DGKB: variants seen among roughly 807,000 people sequenced by gnomAD.
The protein encoded by DGKB is diacylglycerol kinase beta.
Under a neutral mutation model 114.3 loss-of-function variants are expected in DGKB, and 67 were observed. That is an observed-to-expected ratio of 0.59 (90% CI 0.48 to 0.72). DGKB has a LOEUF of 0.72. DGKB is among the 30% of genes least tolerant of loss of function. DGKB has a pLI of 0.00. For synonymous variants in DGKB, 398 were observed against 323.1 expected (o/e 1.23, Z -2.49); for missense variants, 907 against 975.2 (o/e 0.93, Z 0.93).
intron 20 of DGKB, among the ~76,000 whole-genome samples, chr7:14,565,246 A>G (rs1797222923): frequency 6.6e-6 from 1 of 152,104 alleles, no homozygotes; most frequent in East Asian, 1.9e-4. Context: ...TGGGAGTCAT[A>G]TGGCCCATTA....
At chr7:14,653,152 T>C (rs924740657) in intron 13 of DGKB, among the ~76,000 whole-genome samples, 78 of 149,750 alleles carry the variant, frequency 5.2e-4, no homozygotes, top group Admixed American at 3.8e-3. Context: ...ATCCCATTAC[T>C]GGGTATATAC....
At chr7:14,479,171 T>A (rs959812317) in intron 20 of DGKB, among the ~76,000 whole-genome samples, 51 of 152,138 alleles carry the variant, frequency 3.4e-4, no homozygotes, top group African/African-American at 1.1e-3. Context: ...GTTAATTTTG[T>A]TTCAAAGTGG....
intron 5 of DGKB, among the ~76,000 whole-genome samples, chr7:14,734,963 G>A (rs1435023477): frequency 6.6e-6 from 1 of 152,114 alleles, no homozygotes; most frequent in Non-Finnish European, 1.5e-5. Context: ...GGGGTGGGGA[G>A]TCGCGGGAGA....
chr7:14,946,855 T>C (rs1298437927), intron 1 of DGKB, among the ~76,000 whole-genome samples: 1 of 151,840 alleles, frequency 6.6e-6, no homozygotes, highest in African/African-American at 2.4e-5. Flanking sequence ...TCTATTTTTA[T>C]ATTATATTTG....
At chr7:14,929,274 G>A (rs1357127447) in intron 1 of DGKB, among the ~76,000 whole-genome samples, 1 of 151,874 alleles carries the variant, frequency 6.6e-6, no homozygotes, top group Non-Finnish European at 1.5e-5. Flanking sequence ...GAATAAATTG[G>A]GAGTTCAATT....
rs1157946451 is a variant in DGKB at position 14,642,809 on chromosome 7, T to G, written c.1135-12541A>C. Among the ~76,000 whole-genome samples the G allele has an allele frequency of 2.0e-5, 3 of 152,232 alleles. No individual in the cohort carries two copies. In the East Asian group the frequency reaches 5.8e-4, roughly 29 times the overall value. The stretch of plus-strand genomic sequence containing the variant: ...TGTTTTGAATACTGTTAGCAATAAC[T>G]TGTAGAATAATTTAAATCATTCATG... On this transcript the variant is annotated intron_variant, in intron 13 of 25. Transcript: ENST00000402815.
chr7:14,217,963 T>C (rs2128318226), intron 23 of DGKB, among the ~76,000 whole-genome samples: 1 of 152,280 alleles, frequency 6.6e-6, no homozygotes, highest in African/African-American at 2.4e-5. Context: ...TAAACCCTTC[T>C]GAGGACATCC....
At chr7:14,259,496 G>A (rs1303071275) in intron 23 of DGKB, among the ~76,000 whole-genome samples, 4 of 150,722 alleles carry the variant, frequency 2.7e-5, no homozygotes, top group Non-Finnish European at 4.4e-5. Flanking sequence ...GCGTGATCTC[G>A]GCTCACTGCA....
Position 14,736,200 on chromosome 7 carries a change from A to T in DGKB, c.169-6T>A. ...AAACCTTCAAAATCTATTGTCTGGA[A>T]AAAAAAAATGTAAACATGTATTTTA... On this transcript the variant is annotated splice_region_variant and splice_polypyrimidine_tract_variant and intron_variant, in intron 4 of 25. Transcript: ENST00000402815. 6.6e-6 allele frequency: 9 copies of T among 1,373,326 alleles called. No individual in the cohort carries two copies. Among genetic ancestry groups the T allele is most frequent in the South Asian group, 1.4e-5 (1 of 72,152 alleles). 85.1% of individuals were successfully genotyped at this position (1,373,326 alleles called of 1,614,324 possible).
chr7:14,374,842 C>G (rs1818235601), intron 21 of DGKB, among the ~76,000 whole-genome samples: 1 of 152,116 alleles, frequency 6.6e-6, no homozygotes. Context: ...ATTACTACCC[C>G]CAACCTTGTC....
intron 2 of DGKB, among the ~76,000 whole-genome samples, chr7:14,791,529 G>T (rs1288265628): frequency 9.0e-6 from 1 of 111,442 alleles, no homozygotes; most frequent in Non-Finnish European, 1.6e-5. Flanking sequence ...TTACCATTAT[G>T]TAGATGTTAA....
chr7:14,892,354 A>G (rs904807507), intron 1 of DGKB, among the ~76,000 whole-genome samples: 1 of 151,318 alleles, frequency 6.6e-6, no homozygotes, highest in African/African-American at 2.4e-5. Context: ...ACTCTAACCA[A>G]TCCTAACGAT....
At chr7:14,880,064 C>G (rs573404861) in intron 1 of DGKB, among the ~76,000 whole-genome samples, 2 of 152,102 alleles carry the variant, frequency 1.3e-5, no homozygotes, top group African/African-American at 4.8e-5. Context: ...GTTGAAGGAT[C>G]AAAGTGGTAA....
chr7:14,193,098 G>A (rs1029895302), intron 23 of DGKB, among the ~76,000 whole-genome samples: 2 of 151,576 alleles, frequency 1.3e-5, no homozygotes, highest in Non-Finnish European at 2.9e-5. Context: ...CCTGCTACGC[G>A]ACCCAGTTCC....
At chr7:14,179,704 G>A (rs1782353268) in intron 23 of DGKB, among the ~76,000 whole-genome samples, 1 of 152,048 alleles carries the variant, frequency 6.6e-6, no homozygotes, top group Non-Finnish European at 1.5e-5. Flanking sequence ...TTTAATAAAA[G>A]CACTTTAAAA....
At position 14,238,129 on chromosome 7, in the gene DGKB, T is replaced by C. The variant is rs139554944; in HGVS notation, c.2123-59978A>G. Among the ~76,000 whole-genome samples, 31 of 152,182 alleles carry C rather than the reference T, an allele frequency of 2.0e-4. 1 individual carries two copies. In the East Asian group the frequency reaches 6.0e-3, roughly 30 times the overall value. ...GAAATAAGAATTAATGAAAACTGTT[T>C]GATATGGTTTGGCTCTGTGTCCCCA... On this transcript the variant is annotated intron_variant, in intron 23 of 25. Transcript: ENST00000402815.
Position 14,682,606 on chromosome 7 carries a change from C to A in DGKB, c.982G>T (p.Val328Phe). The A allele has an allele frequency of 1.9e-6, 3 of 1,613,642 alleles. No individual in the cohort carries two copies. Among genetic ancestry groups the A allele is most frequent in the Non-Finnish European group, 2.5e-6 (3 of 1,179,640 alleles). ...PTKCDKCHKT[V>F]KCYQGLTGLH... ...CCTGTCAGGCCCTGGTAACATTTAA[C>A]AGTTTTGTGGCACTTATCACACTTG... The change falls in exon 12 of 26, where the codon GTT (valine) becomes TTT (phenylalanine). Residue 328 changes from valine (V) to phenylalanine (F), a missense_variant. Physicochemically the swap from Val to Phe is conservative, Grantham distance 50. This residue lies in a region of DGKB where 814 missense variants were observed against 856.6 expected (regional missense o/e 0.95). Transcript: ENST00000402815.
At chr7:14,768,580 T>TTTATAA (rs1385320438) in intron 2 of DGKB, among the ~76,000 whole-genome samples, 2 of 147,148 alleles carry the variant, frequency 1.4e-5, no homozygotes, top group African/African-American at 2.7e-5. Flanking sequence ...CCAGTGATAT[T>TTTATAA]TGCACTGGTG....
chr7:14,774,904 C>T (rs1267408912), intron 2 of DGKB, among the ~76,000 whole-genome samples: 1 of 152,042 alleles, frequency 6.6e-6, no homozygotes, highest in African/African-American at 2.4e-5. Context: ...TGTTTCTTTG[C>T]TATTAAGCTG....
Sources: gnomAD v4.1 joint callset for allele counts (sites outside exome capture counted in the v4.1 genomes callset) on GRCh38, gnomAD v4.1.1 for gene constraint, gnomAD v4.1.1 regional missense constraint, MANE v1.5 for transcripts, NCBI Gene and HGNC (gene_info 2026-07-23, HGNC 2026-07-21) for gene names.